Variants in TGM5 observed in about 807,000 individuals in gnomAD.
TGM5 encodes the protein transglutaminase 5.
Under a neutral mutation model 77.2 loss-of-function variants are expected in TGM5, and 69 were observed. The ratio of observed to expected loss-of-function variants is 0.89; its 90% confidence interval spans 0.74 to 1.09. The LOEUF (loss-of-function observed/expected upper bound fraction) is 1.09, where lower values mean the gene tolerates loss of function less well. Ranked by LOEUF, TGM5 falls within the 50% of genes least tolerant of loss-of-function variation. TGM5 has a pLI of 0.00. For synonymous variants in TGM5, 346 were observed against 351.8 expected, an observed-to-expected ratio of 0.98 and a Z score of 0.18; for missense variants, 842 against 896.5, an observed-to-expected ratio of 0.94 and a Z score of 0.78.
intron 10 of TGM5, 25 bp downstream of exon 10, chr15:43,235,444 G>C (rs565891716): frequency 1.9e-6 from 3 of 1,614,030 alleles, no homozygotes; most frequent in Non-Finnish European, 2.5e-6. Flanking sequence ...CCAACTCTGC[G>C]TACACAAACT....
In TGM5 at chr15:43,234,878, G is replaced by C; in HGVS notation, c.1766C>G (p.Ser589Ter). 1 of 1,614,194 alleles carries C rather than the reference G, an allele frequency of 6.2e-7. No homozygotes were observed. The highest frequency in any genetic ancestry group is 8.5e-7 in the Non-Finnish European group (1 of 1,180,032). ...ACTGATGCGGATCAGCTTGTCTGTTGACAGGTACTGGCTGTACTGGGAATA... is the reference window on the plus strand; with the variant it reads ...ACTGATGCGGATCAGCTTGTCTGTTCACAGGTACTGGCTGTACTGGGAATA... ...ISYSQYSQYL[S>*]TDKLIRISAL... Residue 589 changes from serine (S) to a stop codon, truncating the protein, a stop_gained, in exon 11 of 13, where the codon TCA (serine) becomes TGA (stop). Coordinates refer to ENST00000220420, the MANE Select transcript of TGM5 (RefSeq NM_201631.4). LOFTEE classifies it high-confidence loss of function.
chr15:43,233,140 C>G lies in TGM5; in HGVS notation c.*51G>C. 6.2e-7 allele frequency: 1 copy of G among 1,610,696 alleles called. No individual in the cohort carries two copies. Among genetic ancestry groups the G allele is most frequent in the East Asian group, 2.2e-5 (1 of 44,850 alleles). Reference sequence around the variant, plus strand: ...ATGGCGCAGCTTGCATTTGAACTTGCTCCTTTTCCTGAAGCTTGAAATTCA... The same window carrying G: ...ATGGCGCAGCTTGCATTTGAACTTGGTCCTTTTCCTGAAGCTTGAAATTCA... On this transcript the variant is annotated 3_prime_UTR_variant, in exon 13 of 13. Transcript: ENST00000220420.
At chr15:43,235,035 C>A in intron 10 of TGM5, 106 bp from the exon 11 acceptor site, 1 of 1,426,974 alleles carries the variant, frequency 7.0e-7, no homozygotes, top group Non-Finnish European at 9.6e-7. Flanking sequence ...CAACAAGTAC[C>A]AAATCCCAGG....
intron 9 of TGM5, among the ~76,000 whole-genome samples, chr15:43,236,567 T>A (rs746017900): frequency 6.6e-6 from 1 of 152,194 alleles, no homozygotes; most frequent in African/African-American, 2.4e-5. Context: ...TCAATGCATT[T>A]GCCACAACTT....
chr15:43,256,042 C>T (rs915942993), intron 4 of TGM5, among the ~76,000 whole-genome samples: 3 of 152,090 alleles, frequency 2.0e-5, no homozygotes, highest in Non-Finnish European at 4.4e-5. Flanking sequence ...GATGTATCAT[C>T]AAAAAGACAC....
At chr15:43,236,474 G>A (rs1206681541) in intron 9 of TGM5, among the ~76,000 whole-genome samples, 4 of 152,198 alleles carry the variant, frequency 2.6e-5, no homozygotes, top group South Asian at 2.1e-4. Context: ...GGCCGCATGT[G>A]CAGGAATACT....
In TGM5 at chr15:43,238,674, C is replaced by T. The variant is rs954942044; in HGVS notation, c.1345+143G>A. 5.3e-6 allele frequency: 7 copies of T among 1,312,396 alleles called. No homozygotes were observed. In the Admixed American group the frequency reaches 1.2e-4, roughly 22 times the overall value. The allele number at this position is 1,312,396 out of a possible 1,614,324, so 81.3% of individuals were successfully genotyped here. On this transcript the variant is annotated intron_variant, in intron 9 of 12. Coordinates refer to ENST00000220420, the MANE Select transcript of TGM5 (RefSeq NM_201631.4). ...GTCATGAAGAAGTGAGGCTGTGAGGCCACCCCAACTGGGGCCTCAAAACTG... is the reference window on the plus strand; with the variant it reads ...GTCATGAAGAAGTGAGGCTGTGAGGTCACCCCAACTGGGGCCTCAAAACTG...
intron 5 of TGM5, among the ~76,000 whole-genome samples, 155 bp downstream of exon 5, chr15:43,253,351 G>T (rs1339881948): frequency 6.6e-6 from 1 of 152,238 alleles, no homozygotes; most frequent in Non-Finnish European, 1.5e-5. Flanking sequence ...TCAGAGCTCG[G>T]CTGAGAAAAC....
intron 4 of TGM5, 35 bp from the exon 5 acceptor site, chr15:43,253,669 T>G: frequency 6.2e-7 from 1 of 1,608,410 alleles, no homozygotes; most frequent in Non-Finnish European, 8.5e-7. Context: ...AAGGCACCCA[T>G]GCTTGTCACG....
intron 6 of TGM5, 67 bp downstream of exon 6, chr15:43,252,692 G>A: frequency 2.5e-6 from 4 of 1,582,032 alleles, no homozygotes; most frequent in Non-Finnish European, 3.5e-6. Flanking sequence ...GATGGGAATG[G>A]TTCAGAAGGC....
At chr15:43,251,645 C>T (rs898530923) in intron 6 of TGM5, among the ~76,000 whole-genome samples, 5 of 152,156 alleles carry the variant, frequency 3.3e-5, no homozygotes, top group Admixed American at 6.5e-5. Flanking sequence ...GCCAAGAGGC[C>T]GAGAGCAGGC....
In TGM5 at chr15:43,235,525, C is replaced by A; in HGVS notation, c.1658G>T (p.Ser553Ile). 6.2e-7 allele frequency: 1 copy of A among 1,614,146 alleles called. No individual in the cohort carries two copies. ...GTCCTGCCAGAATGGGGACAGGGGG[C>A]TGCCATCGTGCAGCAGAGACTGGGC... ...LSAQSLLHDG[S>I]PLSPFWQDTA... The change falls in exon 10 of 13, where the codon AGC becomes ATC. Residue 553 changes from serine (S) to isoleucine (I), a missense_variant. Ser to Ile is a moderately radical substitution (Grantham distance 142). Coordinates refer to ENST00000220420, the MANE Select transcript of TGM5 (RefSeq NM_201631.4).
chr15:43,261,085 T>TTTTG (rs2042785420), intron 1 of TGM5, among the ~76,000 whole-genome samples: 2 of 119,172 alleles, frequency 1.7e-5, no homozygotes, highest in African/African-American at 3.2e-5. Flanking sequence ...TGTTTTTTTT[T>TTTTG]TTTTTTTTTT....
At position 43,241,779 on chromosome 15, in the gene TGM5, A is replaced by G. The variant is rs184210254; in HGVS notation, c.863-789T>C. Among the ~76,000 whole-genome samples, 604 of 151,864 alleles carry G rather than the reference A, an allele frequency of 4.0e-3. 8 individuals are homozygous for G. Among genetic ancestry groups the G allele is most frequent in the Non-Finnish European group, 4.5e-3 (303 of 67,958 alleles). On this transcript the variant is annotated intron_variant, in intron 6 of 12. Coordinates refer to ENST00000220420, the MANE Select transcript of TGM5 (RefSeq NM_201631.4). ...CCCCTGAGTAGCTGGGATTACAGGCACACAACACCACACCCGGCTAATTTT... is the reference window on the plus strand; with the variant it reads ...CCCCTGAGTAGCTGGGATTACAGGCGCACAACACCACACCCGGCTAATTTT...
At chr15:43,238,310 GCTGA>G (rs1377294510) in intron 9 of TGM5, among the ~76,000 whole-genome samples, 1 of 152,088 alleles carries the variant, frequency 6.6e-6, no homozygotes, top group African/African-American at 2.4e-5. Flanking sequence ...TTCATCTATA[GCTGA>G]CTAACACAGC....
At chr15:43,263,605 C>A (rs1441478235) in intron 1 of TGM5, among the ~76,000 whole-genome samples, 2 of 152,148 alleles carry the variant, frequency 1.3e-5, no homozygotes, top group African/African-American at 4.8e-5. Context: ...AAGTGGATAT[C>A]CACATGCAAA....
chr15:43,247,339 T>C (rs534133741), intron 6 of TGM5, among the ~76,000 whole-genome samples: 1 of 151,896 alleles, frequency 6.6e-6, no homozygotes, highest in Non-Finnish European at 1.5e-5. Flanking sequence ...CCATAGCCAG[T>C]AGAAAAATTA....
At position 43,233,700 on chromosome 15, in the gene TGM5, G is replaced by C. The variant is rs760495248; in HGVS notation, c.1876-13C>G. On this transcript the variant is annotated splice_polypyrimidine_tract_variant and intron_variant, in intron 11 of 12. Transcript: ENST00000220420. ...CTGCTCCTAGAACCTAAACAGACCA[G>C]GAGGGGAAGGAGAATTAGTTCTCAT... 9.3e-6 allele frequency: 15 copies of C among 1,613,746 alleles called. No individual in the cohort carries two copies. The highest frequency in any genetic ancestry group is 1.3e-5 in the African/African-American group (1 of 74,902).
At chr15:43,244,194 C>T (rs1476592228) in intron 6 of TGM5, among the ~76,000 whole-genome samples, 3 of 152,182 alleles carry the variant, frequency 2.0e-5, no homozygotes, top group African/African-American at 4.8e-5. Context: ...GCACTGGATT[C>T]GGCTCTCTGT....
Sources: gnomAD v4.1 joint callset for allele counts (sites outside exome capture counted in the v4.1 genomes callset) on GRCh38, gnomAD v4.1.1 for gene constraint, MANE v1.5 for transcripts, NCBI Gene and HGNC (gene_info 2026-07-23, HGNC 2026-07-21) for gene names.